Variants in USP42 observed in about 807,000 individuals in gnomAD.
USP42 encodes ubiquitin specific peptidase 42.
USP42 carries 23 observed loss-of-function variants against 113.0 expected under a neutral mutation model. That is an observed-to-expected ratio of 0.20 (90% CI 0.15 to 0.29). The LOEUF is 0.29. Ranked by LOEUF, USP42 falls within the 10% of genes least tolerant of loss-of-function variation. The probability of loss-of-function intolerance (pLI) is 1.00; values close to 1 mark genes in which losing one functional copy is unlikely to be tolerated. For missense variants in USP42, 2,174 were observed against 1,779.8 expected (o/e 1.22, Z -3.99); for synonymous variants, 933 against 699.0 (o/e 1.33, Z -5.28).
intron 3 of USP42, among the ~76,000 whole-genome samples, chr7:6,119,722 G>A (rs1315617769): frequency 6.6e-6 from 1 of 151,378 alleles, no homozygotes; most frequent in Non-Finnish European, 1.5e-5. Flanking sequence ...TTTTTTTTTA[G>A]TGACATTCTT....
chr7:6,139,204 A>G lies in USP42; in HGVS notation c.656+10A>G, dbSNP rs755987079. ...TGAATGGCAGCAATAAGTAAGTACA[A>G]CAGAGCGCCAGCCATGTCTTCATTG... On this transcript the variant is annotated intron_variant, in intron 5 of 17. Transcript: ENST00000306177. The surrounding 1 kb of genome is among the most constrained non-coding windows in gnomAD (Gnocchi z 4.5). 7 of 1,573,020 alleles carry G rather than the reference A, an allele frequency of 4.5e-6. No individual in the cohort carries two copies. In the South Asian group the frequency reaches 4.7e-5, roughly 11 times the overall value.
At chr7:6,116,973 G>T in intron 3 of USP42, 1 of 445,590 alleles carries the variant, frequency 2.2e-6, no homozygotes. Context: ...TAGTTTTTGT[G>T]CTTGCTTCCT....
intron 1 of USP42, among the ~76,000 whole-genome samples, chr7:6,108,786 T>G (rs1032607027): frequency 4.0e-5 from 6 of 151,304 alleles, no homozygotes; most frequent in Non-Finnish European, 7.4e-5. Flanking sequence ...GCCTCAATAT[T>G]AAAAAAAAAA....
chr7:6,139,831 G>T lies in USP42; in HGVS notation c.657-297G>T, dbSNP rs1333764720. 2.1e-6 allele frequency: 1 copy of T among 471,402 alleles called. No individual in the cohort carries two copies. Among genetic ancestry groups the T allele is most frequent in the East Asian group, 4.1e-5 (1 of 24,232 alleles). The allele number at this position is 471,402 out of a possible 1,614,324, so 29.2% of individuals were successfully genotyped here. On this transcript the variant is annotated intron_variant, in intron 5 of 17. Coordinates refer to ENST00000306177, the MANE Select transcript of USP42 (RefSeq NM_032172.3). The surrounding 1 kb of genome is among the most constrained non-coding windows in gnomAD (Gnocchi z 4.5). ...CCTTTCCTCCCACACAGGCCGCAGT[G>T]CCCGGAGGCTGCCATCTTCCTGCTT... is the stretch of plus-strand genomic sequence containing the variant.
At chr7:6,092,057 C>CTTCTTCTTCTTCTTCTTCTTCT in the USP42 span, among the ~76,000 whole-genome samples, 41 of 56,586 alleles carry the variant, frequency 7.2e-4, 4 homozygotes, top group African/African-American at 2.9e-3. Flanking sequence ...CTTCTTCTTT[C>CTTCTTCTTCTTCTTCTTCTTCT]TTCTTCTTCT....
intron 2 of USP42, among the ~76,000 whole-genome samples, chr7:6,112,661 C>T (rs936318943): frequency 5.3e-5 from 8 of 152,120 alleles, no homozygotes; most frequent in African/African-American, 1.9e-4. Context: ...TTAGAGCATG[C>T]AGCCCAGACA....
chr7:6,110,072 G>A (rs1289607551), intron 1 of USP42, among the ~76,000 whole-genome samples: 1 of 151,834 alleles, frequency 6.6e-6, no homozygotes, highest in East Asian at 1.9e-4. Flanking sequence ...GACCTCAAGC[G>A]ATCTGCCCAC....
rs549247556 is a variant in USP42, at chr7:6,156,630, A to G, written c.3642-124A>G. ...ATACCTGGCCTACGTGGCTAATTAG[A>G]TAAGAATTGTGCGTGTCTGCACAGT... On this transcript the variant is annotated intron_variant, in intron 15 of 17. Transcript: ENST00000306177. 1.9e-5 allele frequency: 26 copies of G among 1,386,376 alleles called. No individual in the cohort carries two copies. The East Asian group carries it at 4.1e-4, about 22-fold the overall frequency. The allele number at this position is 1,386,376 out of a possible 1,614,324, so 85.9% of individuals were successfully genotyped here.
In USP42 at chr7:6,157,511, C is replaced by T. The variant is rs1782525473; in HGVS notation, c.3943+456C>T. On this transcript the variant is annotated intron_variant, in intron 16 of 17. Coordinates refer to ENST00000306177, the MANE Select transcript of USP42 (RefSeq NM_032172.3). The surrounding 1 kb of genome is among the most constrained non-coding windows in gnomAD (Gnocchi z 4.1). Reference sequence around the variant, plus strand: ...CTCCCAGGTTCATGCTGTTCTCCTGCCTCAGCCTCCTGAGTAGCCGGGACT... The same window carrying T: ...CTCCCAGGTTCATGCTGTTCTCCTGTCTCAGCCTCCTGAGTAGCCGGGACT... 1.9e-6 allele frequency: 1 copy of T among 534,034 alleles called. No individual in the cohort carries two copies. The highest frequency in any genetic ancestry group is 2.4e-6 in the Non-Finnish European group (1 of 417,442). The allele number at this position is 534,034 out of a possible 1,614,324, so 33.1% of individuals were successfully genotyped here. A position where few individuals can be genotyped will look rare whatever the true frequency, so the allele number is the denominator to read the frequency against.
rs943031497 is a variant in USP42, at chr7:6,139,229, G to A, written c.656+35G>A. 52 of 1,448,968 alleles carry A rather than the reference G, an allele frequency of 3.6e-5. No individual in the cohort carries two copies. The highest frequency in any genetic ancestry group is 1.9e-4 in the Admixed American group (9 of 46,538). 89.8% of individuals were successfully genotyped at this position (1,448,968 alleles called of 1,614,324 possible). A position where few individuals can be genotyped will look rare whatever the true frequency, so the allele number is the denominator to read the frequency against. On this transcript the variant is annotated intron_variant, in intron 5 of 17. Transcript: ENST00000306177. This position sits in a 1 kb window ranked among gnomAD's most constrained non-coding sequence, Gnocchi z 4.5. ...ACAGAGCGCCAGCCATGTCTTCATT[G>A]GGGATCTCTGGTTGTAGTTTATTCT...
intron 12 of USP42, 84 bp from the exon 13 acceptor site, chr7:6,149,499 G>A (rs982838528): frequency 6.7e-7 from 1 of 1,497,716 alleles, no homozygotes; most frequent in African/African-American, 1.4e-5. Flanking sequence ...AAGCAAAATG[G>A]GAAGGACCCA....
At chr7:6,099,097 T>A in the USP42 span, among the ~76,000 whole-genome samples, 2 of 150,074 alleles carry the variant, frequency 1.3e-5, no homozygotes, top group South Asian at 4.2e-4. Context: ...TCTGCCTGGT[T>A]TTCAGGACTG....
the USP42 span, among the ~76,000 whole-genome samples, chr7:6,086,226 G>A: frequency 4.1e-5 from 5 of 121,082 alleles, no homozygotes; most frequent in Non-Finnish European, 8.1e-5. Context: ...TTTTTTTTGA[G>A]ACAGAGTCTC....
Position 6,151,837 on chromosome 7 carries a change from A to G in USP42, c.2201+1331A>G, listed in dbSNP as rs539233252. On this transcript the variant is annotated intron_variant, in intron 14 of 17. Coordinates refer to ENST00000306177, the MANE Select transcript of USP42 (RefSeq NM_032172.3). The stretch of plus-strand genomic sequence containing the variant: ...GCAGTGCAGTGGGTTTGTTTACACC[A>G]GCATCACCACACTCACGAGGCACGC... 1.2e-4 allele frequency among the ~76,000 whole-genome samples: 19 copies of G among 152,242 alleles called. No homozygotes were observed. In the East Asian group the frequency reaches 3.7e-3, roughly 29 times the overall value.
chr7:6,115,852 A>G (rs1583588309), intron 3 of USP42, among the ~76,000 whole-genome samples: 1 of 152,322 alleles, frequency 6.6e-6, no homozygotes, highest in Admixed American at 6.5e-5. Flanking sequence ...TAATCCCAGC[A>G]CTTTGAGAGA....
intron 1 of USP42, among the ~76,000 whole-genome samples, chr7:6,107,956 G>T (rs568569086): frequency 6.6e-6 from 1 of 151,540 alleles, no homozygotes; most frequent in Non-Finnish European, 1.5e-5. Flanking sequence ...TATTTTTTTG[G>T]GTGATAATCT....
In USP42 at chr7:6,140,948, T is replaced by G. The variant is rs1457568250; in HGVS notation, c.759T>G (p.Thr253=). 6.4e-7 allele frequency: 1 copy of G among 1,561,878 alleles called. No individual in the cohort carries two copies. Among genetic ancestry groups the G allele is most frequent in the Non-Finnish European group, 8.7e-7 (1 of 1,149,058 alleles). ...TAAATTGCAAGGGCGTTTCAGATAC[T>G]TTTGATCCATATCTTGATATAACAT... ...KCLNCKGVSD[T]FDPYLDITLE... Residue 253 remains threonine, a synonymous_variant, in exon 7 of 18, where the codon ACT becomes ACG. Transcript: ENST00000306177.
chr7:6,108,569 C>T (rs1382352992), intron 1 of USP42, among the ~76,000 whole-genome samples: 6 of 152,142 alleles, frequency 3.9e-5, no homozygotes, highest in African/African-American at 1.4e-4. Flanking sequence ...CAACCTCCAC[C>T]TCCCGGGTTC....
At chr7:6,098,805 C>G in the USP42 span, among the ~76,000 whole-genome samples, 12 of 150,474 alleles carry the variant, frequency 8.0e-5, no homozygotes, top group East Asian at 2.1e-3. Flanking sequence ...CTCGGCCTCT[C>G]AGAGTGCTGG....
Sources: gnomAD v4.1 joint callset for allele counts (sites outside exome capture counted in the v4.1 genomes callset) on GRCh38, gnomAD v4.1.1 for gene constraint, Gnocchi (gnomAD v3.1) non-coding constraint, MANE v1.5 for transcripts, NCBI Gene and HGNC (gene_info 2026-07-23, HGNC 2026-07-21) for gene names.